Variants in FARS2 observed in about 807,000 individuals in gnomAD.
FARS2 encodes the protein phenylalanyl-tRNA synthetase 2, mitochondrial.
A neutral mutation model predicts 46.4 loss-of-function variants in FARS2; 40 were observed. The ratio of observed to expected loss-of-function variants is 0.86; its 90% CI spans 0.67 to 1.12. The LOEUF (loss-of-function observed/expected upper bound fraction) is 1.12. Among genes scored for constraint, FARS2 ranks in the 50% most tolerant of loss-of-function variants. FARS2 has a pLI of 0.00. For synonymous variants in FARS2, 234 were observed against 214.9 expected, an observed-to-expected ratio of 1.09 and a Z score of -0.78; for missense variants, 513 against 567.9, an observed-to-expected ratio of 0.90 and a Z score of 0.98.
At chr6:5,355,479 C>T (rs539390163) in intron 1 of FARS2, among the ~76,000 whole-genome samples, 38 of 151,210 alleles carry the variant, frequency 2.5e-4, no homozygotes, top group Admixed American at 5.3e-4. Context: ...GCCTCAGCCT[C>T]CTGAGTAGCT....
At chr6:5,400,361 T>A (rs1761182001) in intron 2 of FARS2, among the ~76,000 whole-genome samples, 1 of 152,064 alleles carries the variant, frequency 6.6e-6, no homozygotes, top group Non-Finnish European at 1.5e-5. Context: ...TTGTGGTGTA[T>A]GTTTCCTGAC....
At chr6:5,640,652 C>T (rs560830050) in intron 6 of FARS2, among the ~76,000 whole-genome samples, 1 of 152,360 alleles carries the variant, frequency 6.6e-6, no homozygotes, top group African/African-American at 2.4e-5. Context: ...TCGAAGCCGC[C>T]TGCTATGCGG....
Position 5,471,438 on chromosome 6 carries a change from G to C in FARS2, c.904+40266G>C, listed in dbSNP as rs567256623. ...ATATCCCAACTAGCCCTTCATTTAC[G>C]AAGAACCAAAGGGAAACTCCAGGAC... On this transcript the variant is annotated intron_variant, in intron 4 of 6. Transcript: ENST00000274680. This position sits in a 1 kb window ranked among gnomAD's most constrained non-coding sequence, Gnocchi z 4.1. 6.6e-6 allele frequency among the ~76,000 whole-genome samples: 1 copy of C among 152,074 alleles called. No homozygotes were observed. Among genetic ancestry groups the C allele is most frequent in the Non-Finnish European group, 1.5e-5 (1 of 68,014 alleles).
In FARS2 at chr6:5,557,704, G is replaced by T. The variant is rs796752822; in HGVS notation, c.1065+12364G>T. Among the ~76,000 whole-genome samples, 25 of 152,226 alleles carry T rather than the reference G, an allele frequency of 1.6e-4. 1 individual carries two copies. Among genetic ancestry groups the T allele is most frequent in the African/African-American group, 6.0e-4 (25 of 41,506 alleles). ...AGGGGGTACTGGAAAAACTGTTGCAGCCTACAATCTATCTTCTGCTGACTA... is the reference window on the plus strand; with the variant it reads ...AGGGGGTACTGGAAAAACTGTTGCATCCTACAATCTATCTTCTGCTGACTA... On this transcript the variant is annotated intron_variant, in intron 5 of 6. Transcript: ENST00000274680.
rs1187994593 is a variant in FARS2, at chr6:5,557,739, A to C, written c.1065+12399A>C. ...TATCTTCTGCTGACTAATGCTTGAAATCTCCCCTTAGAGCTCGCCTCCTTT... is the reference window on the plus strand; with the variant it reads ...TATCTTCTGCTGACTAATGCTTGAACTCTCCCCTTAGAGCTCGCCTCCTTT... On this transcript the variant is annotated intron_variant, in intron 5 of 6. Transcript: ENST00000274680. Among the ~76,000 whole-genome samples, 3 of 151,956 alleles carry C rather than the reference A, an allele frequency of 2.0e-5. No individual in the cohort carries two copies. In the South Asian group the frequency reaches 6.2e-4, roughly 32 times the overall value.
At chr6:5,711,668 G>A (rs753489224) in intron 6 of FARS2, among the ~76,000 whole-genome samples, 4 of 152,120 alleles carry the variant, frequency 2.6e-5, no homozygotes, top group Non-Finnish European at 5.9e-5. Flanking sequence ...GTCAATAGAG[G>A]GCCATTATGC....
At chr6:5,663,618 G>C (rs1777955161) in intron 6 of FARS2, among the ~76,000 whole-genome samples, 1 of 152,196 alleles carries the variant, frequency 6.6e-6, no homozygotes. Flanking sequence ...GGAGAGGAGA[G>C]ATGTGAGAAA....
At chr6:5,556,279 A>T (rs1771651820) in intron 5 of FARS2, among the ~76,000 whole-genome samples, 1 of 152,096 alleles carries the variant, frequency 6.6e-6, no homozygotes, top group African/African-American at 2.4e-5. Context: ...GGGAGTGTGT[A>T]GCTATGGAAC....
chr6:5,562,960 C>G (rs181507535), intron 5 of FARS2, among the ~76,000 whole-genome samples: 1 of 151,842 alleles, frequency 6.6e-6, no homozygotes, highest in African/African-American at 2.4e-5. Context: ...CCTGCCACCA[C>G]GCCCAGCTAA....
Position 5,659,300 on chromosome 6 carries a change from G to A in FARS2, c.1217+45980G>A, listed in dbSNP as rs142380741. ...TTTCCAGCCAAGTGTAACCCCAGTC[G>A]TTAGTGCAAGGGCTTAGTCTAGACT... On this transcript the variant is annotated intron_variant, in intron 6 of 6. Transcript: ENST00000274680. Among the ~76,000 whole-genome samples, 61 of 152,216 alleles carry A rather than the reference G, an allele frequency of 4.0e-4. 1 individual carries two copies. The highest frequency in any genetic ancestry group is 2.3e-3 in the East Asian group (12 of 5,178).
At chr6:5,699,039 T>G (rs1057418584) in intron 6 of FARS2, among the ~76,000 whole-genome samples, 1 of 152,182 alleles carries the variant, frequency 6.6e-6, no homozygotes, top group Non-Finnish European at 1.5e-5. Flanking sequence ...TAACTCAGAC[T>G]GCTGGGAAGG....
At chr6:5,750,354 C>T (rs1440476501) in intron 6 of FARS2, among the ~76,000 whole-genome samples, 2 of 152,110 alleles carry the variant, frequency 1.3e-5, no homozygotes, top group African/African-American at 4.8e-5. Context: ...GGACGCAGAC[C>T]CAGCCCTGCA....
At chr6:5,742,372 G>A (rs1232469313) in intron 6 of FARS2, among the ~76,000 whole-genome samples, 1 of 152,116 alleles carries the variant, frequency 6.6e-6, no homozygotes, top group Admixed American at 6.5e-5. Context: ...TTCTACAAAA[G>A]AACAAAGTCA....
intron 4 of FARS2, among the ~76,000 whole-genome samples, chr6:5,522,001 T>C (rs1370548532): frequency 6.6e-6 from 1 of 152,248 alleles, no homozygotes; most frequent in African/African-American, 2.4e-5. Flanking sequence ...TATGTAACTC[T>C]TTGGTGACTC....
chr6:5,737,996 G>A (rs1046127366), intron 6 of FARS2, among the ~76,000 whole-genome samples: 3 of 152,168 alleles, frequency 2.0e-5, no homozygotes, highest in East Asian at 1.9e-4. Flanking sequence ...TGTCACCCAC[G>A]CTGGAGTGCA....
At chr6:5,366,048 A>G (rs1758655239) in intron 1 of FARS2, among the ~76,000 whole-genome samples, 1 of 152,130 alleles carries the variant, frequency 6.6e-6, no homozygotes, top group Admixed American at 6.5e-5. Context: ...GGGCAGGCAC[A>G]CTCAGTGTAA....
chr6:5,314,262 G>A (rs952948666), intron 1 of FARS2, among the ~76,000 whole-genome samples: 1 of 152,128 alleles, frequency 6.6e-6, no homozygotes, highest in Admixed American at 6.5e-5. Context: ...TTGGAAAGAG[G>A]CAGATGGATA....
chr6:5,318,729 A>G (rs749669273), intron 1 of FARS2, among the ~76,000 whole-genome samples: 1 of 152,126 alleles, frequency 6.6e-6, no homozygotes, highest in Non-Finnish European at 1.5e-5. Context: ...GGCTCACTCT[A>G]TGCAAATGAA....
intron 6 of FARS2, among the ~76,000 whole-genome samples, chr6:5,744,532 T>C (rs1761531284): frequency 1.3e-5 from 2 of 152,278 alleles, no homozygotes; most frequent in South Asian, 4.2e-4. Flanking sequence ...CAGAGCTGGG[T>C]TGCAAACCCA....
Sources: gnomAD v4.1 joint callset for allele counts (sites outside exome capture counted in the v4.1 genomes callset) on GRCh38, gnomAD v4.1.1 for gene constraint, Gnocchi (gnomAD v3.1) non-coding constraint, MANE v1.5 for transcripts, NCBI Gene and HGNC (gene_info 2026-07-23, HGNC 2026-07-21) for gene names.